OOSP4B: variants seen among roughly 807,000 people sequenced by gnomAD.
OOSP4B encodes the protein oocyte secreted protein family member 4B, also known as oocyte-secreted protein 4B.
chr11:60,022,912 C>G (rs1854708559), intron 1 of OOSP4B, among the ~76,000 whole-genome samples: 1 of 152,056 alleles, frequency 6.6e-6, no homozygotes, highest in Non-Finnish European at 1.5e-5. Flanking sequence ...AAATTCTGAT[C>G]AGGTTTAGTT....
At chr11:60,025,785 A>G (rs1194601378) in intron 3 of OOSP4B, among the ~76,000 whole-genome samples, 1 of 152,184 alleles carries the variant, frequency 6.6e-6, no homozygotes. Flanking sequence ...GCTTGATCAT[A>G]GAGTATGTTT....
At chr11:60,030,759 A>T (rs779158471) in intron 4 of OOSP4B, 43 bp from the exon 5 acceptor site, 7 of 398,124 alleles carry the variant, frequency 1.8e-5, no homozygotes, top group African/African-American at 1.4e-4. Flanking sequence ...AGGTAAGGTT[A>T]TATTTAAGCA....
chr11:60,020,252 T>C (rs1017467521), intron 1 of OOSP4B, among the ~76,000 whole-genome samples: 3 of 152,166 alleles, frequency 2.0e-5, no homozygotes, highest in Non-Finnish European at 4.4e-5. Context: ...CCATGCAGTG[T>C]GCCCGCACTC....
At position 60,017,400 on chromosome 11, in the gene OOSP4B, C is replaced by T. The variant is rs190779682; in HGVS notation, c.9C>T (p.Thr3=). Residue 3 remains threonine (T), a synonymous_variant, in exon 1 of 5, where the codon ACC becomes ACT. Transcript: ENST00000642343. The stretch of plus-strand genomic sequence containing the variant: ...TCTTGGAGTCTGGAGCAATGAAGAC[C>T]TCTGTGCTCTTAGGTAGGTCCTTCC... 66 of 398,630 alleles carry T rather than the reference C, an allele frequency of 1.7e-4. No individual in the cohort carries two copies. In the South Asian group the frequency reaches 1.9e-3, roughly 12 times the overall value. 24.7% of individuals were successfully genotyped at this position (398,630 alleles called of 1,614,324 possible).
At chr11:60,026,619 A>T (rs754780040) in intron 3 of OOSP4B, among the ~76,000 whole-genome samples, 2 of 152,208 alleles carry the variant, frequency 1.3e-5, no homozygotes, top group African/African-American at 2.4e-5. Context: ...AGACAAAATT[A>T]AGGCACCCTG....
intron 1 of OOSP4B, among the ~76,000 whole-genome samples, chr11:60,023,664 C>A (rs1343018024): frequency 2.0e-5 from 3 of 152,188 alleles, no homozygotes; most frequent in Non-Finnish European, 4.4e-5. Flanking sequence ...GAACTCCTGA[C>A]CTCAGGTGAT....
chr11:60,017,557 T>C (rs1687573898), intron 1 of OOSP4B, 144 bp downstream of exon 1: 2 of 396,700 alleles, frequency 5.0e-6, no homozygotes, highest in African/African-American at 4.1e-5. Flanking sequence ...GAGATTTTTT[T>C]TTTTCCCCCT....
rs535652001 is a variant in OOSP4B at position 60,017,861 on chromosome 11, G to T, written c.22+448G>T. On this transcript the variant is annotated intron_variant, in intron 1 of 4. Transcript: ENST00000642343. The stretch of plus-strand genomic sequence containing the variant: ...CTTGGCCTATCCATGGTGCTGGAGA[G>T]ATAGAATGAAAATTATATAGAGAGT... 5.3e-5 allele frequency among the ~76,000 whole-genome samples: 8 copies of T among 152,298 alleles called. No homozygotes were observed. The East Asian group carries it at 1.5e-3, about 29-fold the overall frequency.
intron 3 of OOSP4B, among the ~76,000 whole-genome samples, chr11:60,026,096 G>A (rs1472337319): frequency 6.6e-6 from 1 of 151,944 alleles, no homozygotes; most frequent in South Asian, 2.1e-4. Flanking sequence ...GATGTATTTC[G>A]CCCCAGTCCC....
intron 1 of OOSP4B, chr11:60,022,026 C>T (rs1331118252): frequency 6.8e-6 from 1 of 146,934 alleles, no homozygotes; most frequent in African/African-American, 2.6e-5. Flanking sequence ...GAAATTTGAC[C>T]TAGGAATTGG....
intron 3 of OOSP4B, among the ~76,000 whole-genome samples, chr11:60,027,976 G>T (rs748067245): frequency 4.0e-5 from 6 of 151,290 alleles, no homozygotes; most frequent in Non-Finnish European, 5.9e-5. Context: ...TTTGGATCAT[G>T]GAAAGAAGTG....
exon 4 of OOSP4B, chr11:60,029,898 C>T (rs1007126964): frequency 2.8e-5 from 11 of 398,372 alleles, no homozygotes; most frequent in Middle Eastern, 6.3e-4. Flanking sequence ...CAAAGTAAAA[C>T]ATGGACACTT....
chr11:60,023,180 A>G (rs1356792806), intron 1 of OOSP4B, among the ~76,000 whole-genome samples: 1 of 149,302 alleles, frequency 6.7e-6, no homozygotes, highest in Admixed American at 6.6e-5. Context: ...ATAACCAACT[A>G]ACCTCTCTGT....
chr11:60,026,312 T>C (rs1390265349), intron 3 of OOSP4B, among the ~76,000 whole-genome samples: 1 of 152,194 alleles, frequency 6.6e-6, no homozygotes, highest in African/African-American at 2.4e-5. Context: ...AATTTTTGCA[T>C]GTAGTGTAAG....
chr11:60,028,651 T>A (rs559744), intron 3 of OOSP4B, among the ~76,000 whole-genome samples: 7 of 152,000 alleles, frequency 4.6e-5, no homozygotes, highest in African/African-American at 1.5e-4. Flanking sequence ...TTTTGGAGTA[T>A]ATTCTTAAAT....
chr11:60,018,851 T>C (rs1053154996), intron 1 of OOSP4B, among the ~76,000 whole-genome samples: 1 of 152,148 alleles, frequency 6.6e-6, no homozygotes, highest in Non-Finnish European at 1.5e-5. Context: ...AAGGATGAAA[T>C]TGAGAACTAA....
chr11:60,026,127 T>C (rs1311611449), intron 3 of OOSP4B, among the ~76,000 whole-genome samples: 1 of 152,172 alleles, frequency 6.6e-6, no homozygotes, highest in Non-Finnish European at 1.5e-5. Context: ...ATTAATTTTC[T>C]TAATGTGTTT....
chr11:60,024,477 T>A lies in OOSP4B; in HGVS notation c.204+416T>A, dbSNP rs532999119. On this transcript the variant is annotated intron_variant, in intron 2 of 4. Coordinates refer to ENST00000642343, the Ensembl canonical transcript of OOSP4B. ...ATCACTTGAACCTGGGAGGCAGAGGTTGTAGTGAGCTGAGATGGCACTATT... is the reference window on the plus strand; with the variant it reads ...ATCACTTGAACCTGGGAGGCAGAGGATGTAGTGAGCTGAGATGGCACTATT... Among the ~76,000 whole-genome samples, 7 of 152,276 alleles carry A rather than the reference T, an allele frequency of 4.6e-5. No homozygotes were observed. In the South Asian group the frequency reaches 1.5e-3, roughly 32 times the overall value.
chr11:60,029,070 G>C (rs910643070), intron 3 of OOSP4B, among the ~76,000 whole-genome samples: 1 of 152,198 alleles, frequency 6.6e-6, no homozygotes, highest in African/African-American at 2.4e-5. Flanking sequence ...TTTTCTCCCA[G>C]ATCAAATAGG....
Sources: allele counts gnomAD v4.1 joint callset (sites outside exome capture counted in the v4.1 genomes callset), GRCh38; gene constraint gnomAD v4.1.1; transcripts MANE v1.5; gene names NCBI Gene and HGNC (gene_info 2026-07-23, HGNC 2026-07-21).